The following QTMAN variants were observed in gnomAD, a reference collection of about 807,000 sequenced individuals.
QTMAN encodes queuosine-tRNA mannosyltransferase, also known as tRNA-queuosine alpha-mannosyltransferase.
At chr2:144,096,460 T>C in the QTMAN span, among the ~76,000 whole-genome samples, 3 of 152,220 alleles carry the variant, frequency 2.0e-5, no homozygotes, top group African/African-American at 7.2e-5. Context: ...GTAGAACAAT[T>C]GAGGCATTAC....
At chr2:144,107,752 T>A in the QTMAN span, among the ~76,000 whole-genome samples, 4 of 152,322 alleles carry the variant, frequency 2.6e-5, no homozygotes, top group Admixed American at 2.6e-4. Context: ...TAACTCATTT[T>A]ATGAGGCCAG....
At chr2:144,185,504 G>A in the QTMAN span, among the ~76,000 whole-genome samples, 1 of 152,094 alleles carries the variant, frequency 6.6e-6, no homozygotes, top group African/African-American at 2.4e-5. Context: ...ATTTTGAATT[G>A]GCCCATATTA....
chr2:143,981,683 G>A, the QTMAN span, among the ~76,000 whole-genome samples: 1 of 152,154 alleles, frequency 6.6e-6, no homozygotes, highest in Non-Finnish European at 1.5e-5. Flanking sequence ...CTGACACAGA[G>A]ATCTCATAGA....
chr2:144,254,184 G>A, the QTMAN span, among the ~76,000 whole-genome samples: 10 of 152,226 alleles, frequency 6.6e-5, no homozygotes, highest in African/African-American at 2.4e-4. Flanking sequence ...CACTTTGGGA[G>A]GCCAAGACGA....
At chr2:144,200,799 T>C in the QTMAN span, among the ~76,000 whole-genome samples, 29 of 152,350 alleles carry the variant, frequency 1.9e-4, no homozygotes, top group African/African-American at 6.3e-4. Flanking sequence ...TGGAATTCTT[T>C]GGTTTAATCC....
At chr2:144,021,319 T>C in the QTMAN span, among the ~76,000 whole-genome samples, 3 of 152,212 alleles carry the variant, frequency 2.0e-5, no homozygotes, top group Admixed American at 2.0e-4. Flanking sequence ...AAATGATTTT[T>C]AAATAAGAGT....
the QTMAN span, among the ~76,000 whole-genome samples, chr2:143,958,885 G>C: frequency 6.6e-6 from 1 of 150,578 alleles, no homozygotes; most frequent in Non-Finnish European, 1.5e-5. Flanking sequence ...ATAATCAATG[G>C]GATAAAGTTA....
chr2:144,108,008 T>C, the QTMAN span, among the ~76,000 whole-genome samples: 2 of 152,106 alleles, frequency 1.3e-5, no homozygotes, highest in Non-Finnish European at 2.9e-5. Flanking sequence ...ACAAACCACA[T>C]GATTATCTCA....
the QTMAN span, among the ~76,000 whole-genome samples, chr2:144,018,384 A>C: frequency 1.3e-5 from 2 of 152,096 alleles, no homozygotes; most frequent in Non-Finnish European, 2.9e-5. Flanking sequence ...GATTCAATTC[A>C]AATTGATTAT....
the QTMAN span, chr2:144,208,812 A>G: frequency 6.7e-7 from 1 of 1,485,806 alleles, no homozygotes; most frequent in Non-Finnish European, 9.0e-7. Context: ...ATCCTAAATA[A>G]CAACCAAAAA....
the QTMAN span, among the ~76,000 whole-genome samples, chr2:143,998,987 G>A: frequency 6.6e-6 from 1 of 151,290 alleles, no homozygotes; most frequent in Admixed American, 6.6e-5. Context: ...AGCAGGTGAA[G>A]GTCAATTACC....
the QTMAN span, among the ~76,000 whole-genome samples, chr2:144,199,205 G>A: frequency 6.6e-5 from 10 of 151,868 alleles, no homozygotes; most frequent in East Asian, 5.8e-4. Context: ...CCACCACTAC[G>A]CCCGGCTAAT....
the QTMAN span, chr2:144,007,308 G>A: frequency 3.7e-6 from 6 of 1,613,082 alleles, no homozygotes; most frequent in Non-Finnish European, 5.1e-6. Context: ...ATCTGACGAG[G>A]TGGATTTTTT....
chr2:144,162,253 C>T, the QTMAN span, among the ~76,000 whole-genome samples: 2 of 151,854 alleles, frequency 1.3e-5, no homozygotes, highest in African/African-American at 4.8e-5. Context: ...GTTCCAGGAA[C>T]GAATATACTT....
At chr2:144,220,695 T>C in the QTMAN span, among the ~76,000 whole-genome samples, 8 of 152,206 alleles carry the variant, frequency 5.3e-5, no homozygotes, top group Non-Finnish European at 7.3e-5. Flanking sequence ...CCAGCACATA[T>C]ATACACCATA....
the QTMAN span, among the ~76,000 whole-genome samples, chr2:143,975,619 T>C: frequency 1.3e-5 from 2 of 152,226 alleles, no homozygotes; most frequent in East Asian, 1.9e-4. Flanking sequence ...TATAAGGACA[T>C]TGGACTACTT....
chr2:144,215,931 A>G, the QTMAN span, among the ~76,000 whole-genome samples: 1 of 152,188 alleles, frequency 6.6e-6, no homozygotes, highest in African/African-American at 2.4e-5. Flanking sequence ...AAAACCTTAA[A>G]TCACCTAAGG....
chr2:143,949,275 T>G, the QTMAN span, among the ~76,000 whole-genome samples: 1 of 151,994 alleles, frequency 6.6e-6, no homozygotes, highest in South Asian at 2.1e-4. Flanking sequence ...AAAAAGTAAA[T>G]TCTGTTTCTG....
the QTMAN span, among the ~76,000 whole-genome samples, chr2:144,153,637 G>A: frequency 6.6e-6 from 1 of 152,158 alleles, no homozygotes; most frequent in African/African-American, 2.4e-5. Flanking sequence ...CTTGCAGTGA[G>A]CCGAGATCGC....
Sources: gnomAD v4.1 joint callset for allele counts (sites outside exome capture counted in the v4.1 genomes callset) on GRCh38, gnomAD v4.1.1 for gene constraint, MANE v1.5 for transcripts, NCBI Gene and HGNC (gene_info 2026-07-23, HGNC 2026-07-21) for gene names.